The following MAN1A1 variants were observed in gnomAD, a reference collection of about 807,000 sequenced individuals.
MAN1A1 encodes the protein mannosyl-oligosaccharide 1,2-alpha-mannosidase IA.
In MAN1A1, 29 loss-of-function variants were observed where a neutral mutation model predicts 70.8. That is an observed-to-expected ratio of 0.41 (90% CI 0.31 to 0.56). The LOEUF is 0.56. MAN1A1 is among the 20% of genes least tolerant of loss of function. The pLI is 0.29. For synonymous variants in MAN1A1, 349 were observed against 330.1 expected, an observed-to-expected ratio of 1.06 and a Z score of -0.62; for missense variants, 747 against 841.3, an observed-to-expected ratio of 0.89 and a Z score of 1.39.
intron 5 of MAN1A1, among the ~76,000 whole-genome samples, chr6:119,249,488 G>A (rs1029940524): frequency 2.0e-5 from 3 of 152,156 alleles, no homozygotes; most frequent in Non-Finnish European, 2.9e-5. Context: ...CCTTTAAGCC[G>A]TATGACTGAG....
chr6:119,293,062 C>T (rs1327348106), intron 4 of MAN1A1, among the ~76,000 whole-genome samples: 1 of 152,048 alleles, frequency 6.6e-6, no homozygotes, highest in Non-Finnish European at 1.5e-5. Context: ...CAGTTTCCCA[C>T]ATTTCTGCCT....
At chr6:119,215,587 G>C (rs750409701) in intron 6 of MAN1A1, among the ~76,000 whole-genome samples, 1 of 152,138 alleles carries the variant, frequency 6.6e-6, no homozygotes, top group African/African-American at 2.4e-5. Flanking sequence ...TGAGCCAGTG[G>C]GAAGATTCCA....
intron 6 of MAN1A1, among the ~76,000 whole-genome samples, chr6:119,215,484 A>G (rs7773450): frequency 0.047 from 7,167 of 152,244 alleles, 203 homozygotes; most frequent in Middle Eastern, 0.078. Context: ...AAACAGCAGG[A>G]GAGAGGCTGA....
intron 2 of MAN1A1, among the ~76,000 whole-genome samples, chr6:119,318,567 T>C (rs1412595366): frequency 6.6e-6 from 1 of 152,178 alleles, no homozygotes; most frequent in Admixed American, 6.5e-5. Context: ...CTGGAAAAAT[T>C]TACATTATGT....
chr6:119,324,378 T>G (rs1196589906), intron 2 of MAN1A1, among the ~76,000 whole-genome samples: 2 of 152,196 alleles, frequency 1.3e-5, no homozygotes, highest in Admixed American at 1.3e-4. Flanking sequence ...CAGTAAGGCT[T>G]CCGGTCAGCA....
intron 6 of MAN1A1, among the ~76,000 whole-genome samples, chr6:119,237,104 G>A (rs1275611619): frequency 6.6e-6 from 1 of 152,188 alleles, no homozygotes; most frequent in African/African-American, 2.4e-5. Context: ...TGGATGAGGA[G>A]TTGCTTCTTA....
chr6:119,317,180 C>T (rs1242588804), intron 2 of MAN1A1, among the ~76,000 whole-genome samples: 1 of 152,130 alleles, frequency 6.6e-6, no homozygotes, highest in African/African-American at 2.4e-5. Context: ...AACCTCCTCA[C>T]TATCAACATT....
At chr6:119,305,505 C>T (rs532226344) in intron 3 of MAN1A1, among the ~76,000 whole-genome samples, 1 of 150,468 alleles carries the variant, frequency 6.6e-6, no homozygotes, top group South Asian at 2.1e-4. Flanking sequence ...AAAAACACTA[C>T]TTTAGAAGTG....
At chr6:119,226,453 T>C (rs568334420) in intron 6 of MAN1A1, among the ~76,000 whole-genome samples, 4 of 152,272 alleles carry the variant, frequency 2.6e-5, no homozygotes, top group South Asian at 2.1e-4. Context: ...ACATCATTAT[T>C]GTGGACAGCA....
At chr6:119,230,853 T>C (rs1264416158) in intron 6 of MAN1A1, among the ~76,000 whole-genome samples, 1 of 152,224 alleles carries the variant, frequency 6.6e-6, no homozygotes, top group Non-Finnish European at 1.5e-5. Flanking sequence ...TATGTATTAA[T>C]GGAACTTTGT....
At chr6:119,250,711 C>T (rs1444386989) in intron 5 of MAN1A1, among the ~76,000 whole-genome samples, 2 of 151,562 alleles carry the variant, frequency 1.3e-5, no homozygotes, top group African/African-American at 4.9e-5. Context: ...TCTTCCCCGA[C>T]ATACACACTT....
chr6:119,315,911 T>C (rs1319185035), intron 2 of MAN1A1, among the ~76,000 whole-genome samples: 2 of 152,172 alleles, frequency 1.3e-5, no homozygotes, highest in African/African-American at 4.8e-5. Flanking sequence ...CACTTTGTGT[T>C]TAAAGGTTTA....
At chr6:119,200,295 G>A (rs1245015720) in intron 8 of MAN1A1, among the ~76,000 whole-genome samples, 1 of 152,078 alleles carries the variant, frequency 6.6e-6, no homozygotes, top group African/African-American at 2.4e-5. Context: ...AGGTCTCAAG[G>A]ACTTCCAGTG....
chr6:119,209,770 G>A (rs1562193380), intron 6 of MAN1A1, among the ~76,000 whole-genome samples: 1 of 152,116 alleles, frequency 6.6e-6, no homozygotes, highest in Non-Finnish European at 1.5e-5. Flanking sequence ...CTAAGACCTG[G>A]AATAACAATT....
At chr6:119,264,243 C>T (rs769875558) in intron 5 of MAN1A1, among the ~76,000 whole-genome samples, 7 of 152,196 alleles carry the variant, frequency 4.6e-5, no homozygotes, top group Non-Finnish European at 5.9e-5. Flanking sequence ...TGTATTTTAA[C>T]AAGCTCTCCT....
chr6:119,323,391 A>C (rs945009199), intron 2 of MAN1A1, among the ~76,000 whole-genome samples: 2 of 152,222 alleles, frequency 1.3e-5, no homozygotes, highest in African/African-American at 4.8e-5. Context: ...CATGAGACAA[A>C]TGTATTTCTA....
At chr6:119,219,576 CAA>C (rs1774300263) in intron 6 of MAN1A1, among the ~76,000 whole-genome samples, 1 of 150,524 alleles carries the variant, frequency 6.6e-6, no homozygotes, top group African/African-American at 2.4e-5. Context: ...TTTAGCTAAC[CAA>C]AAGAGATCTG....
chr6:119,200,200 A>T (rs1773679637), intron 8 of MAN1A1, among the ~76,000 whole-genome samples: 1 of 152,230 alleles, frequency 6.6e-6, no homozygotes, highest in South Asian at 2.1e-4. Flanking sequence ...AAATATGACT[A>T]AGACATGTAT....
At chr6:119,194,246 A>C (rs1773509967) in intron 8 of MAN1A1, among the ~76,000 whole-genome samples, 1 of 152,222 alleles carries the variant, frequency 6.6e-6, no homozygotes. Flanking sequence ...GAATAATATA[A>C]AATTCTGGCA....
Sources: gnomAD v4.1 joint callset for allele counts (sites outside exome capture counted in the v4.1 genomes callset) on GRCh38, gnomAD v4.1.1 for gene constraint, MANE v1.5 for transcripts, NCBI Gene and HGNC (gene_info 2026-07-23, HGNC 2026-07-21) for gene names.